The following CTNNA2 variants were observed in gnomAD, a reference collection of about 807,000 sequenced individuals.
The protein encoded by CTNNA2 is catenin alpha 2, also known as catenin alpha-2.
A neutral mutation model predicts 101.0 loss-of-function variants in CTNNA2; 42 were observed. The observed-to-expected ratio is 0.42, with a 90% CI of 0.32 to 0.54. The LOEUF is 0.54. CTNNA2 is among the 20% of genes least tolerant of loss of function. The pLI, the probability that CTNNA2 is intolerant of heterozygous loss-of-function variation, is 0.14. For missense variants in CTNNA2, 871 were observed against 1,223.1 expected, an observed-to-expected ratio of 0.71 and a Z score of 4.29; for synonymous variants, 450 against 456.4, an observed-to-expected ratio of 0.99 and a Z score of 0.18.
At chr2:79,882,519 A>G (rs936834036) in intron 6 of CTNNA2, among the ~76,000 whole-genome samples, 4 of 152,198 alleles carry the variant, frequency 2.6e-5, no homozygotes, top group Non-Finnish European at 4.4e-5. Flanking sequence ...GTGTTGGGCT[A>G]TGGGGAACAA....
At chr2:80,280,702 C>T (rs529927306) in intron 7 of CTNNA2, among the ~76,000 whole-genome samples, 122 of 152,158 alleles carry the variant, frequency 8.0e-4, no homozygotes, top group Non-Finnish European at 1.4e-3. Context: ...AAATAAACAA[C>T]GCATAAGTTT....
intron 4 of CTNNA2, among the ~76,000 whole-genome samples, chr2:79,465,447 G>C (rs1266993408): frequency 1.3e-5 from 2 of 152,158 alleles, no homozygotes; most frequent in African/African-American, 4.8e-5. Flanking sequence ...TTTGGCTTAG[G>C]ATTGTCTTGG....
chr2:79,585,236 A>G (rs1402934295), intron 1 of CTNNA2, among the ~76,000 whole-genome samples: 1 of 151,574 alleles, frequency 6.6e-6, no homozygotes, highest in East Asian at 1.9e-4. Context: ...TTTATCTCTT[A>G]ATGTTTGCAG....
At chr2:80,640,864 T>C (rs1214345937) in intron 18 of CTNNA2, among the ~76,000 whole-genome samples, 1 of 152,186 alleles carries the variant, frequency 6.6e-6, no homozygotes, top group African/African-American at 2.4e-5. Context: ...GATTCCAGTT[T>C]CCTTGAGGTG....
chr2:80,221,407 G>A (rs1054137911), intron 7 of CTNNA2, among the ~76,000 whole-genome samples: 4 of 152,182 alleles, frequency 2.6e-5, no homozygotes, highest in African/African-American at 9.7e-5. Context: ...CAGCTGGCAA[G>A]TTGGAAAGAA....
chr2:80,057,554 C>A (rs1697305905), intron 7 of CTNNA2, among the ~76,000 whole-genome samples: 1 of 152,168 alleles, frequency 6.6e-6, no homozygotes, highest in Non-Finnish European at 1.5e-5. Context: ...GGGCCCAGTA[C>A]TTCCATCTCT....
rs532071592 is a variant in CTNNA2 at position 79,718,253 on chromosome 2, A to T, written c.103-26134A>T. Among the ~76,000 whole-genome samples, 5 of 152,324 alleles carry T rather than the reference A, an allele frequency of 3.3e-5. No homozygotes were observed. In the South Asian group the frequency reaches 1.0e-3, roughly 32 times the overall value. On this transcript the variant is annotated intron_variant, in intron 2 of 18. Coordinates refer to ENST00000402739, the MANE Select transcript of CTNNA2 (RefSeq NM_001282597.3). ...TTTATGAGATATCTGGCCTAGCTTCATAAAAGAATTTTCTCTTTTCTTAAA... is the reference window on the plus strand; with the variant it reads ...TTTATGAGATATCTGGCCTAGCTTCTTAAAAGAATTTTCTCTTTTCTTAAA...
intron 7 of CTNNA2, among the ~76,000 whole-genome samples, chr2:79,932,949 A>C (rs1354398918): frequency 6.6e-6 from 1 of 152,190 alleles, no homozygotes; most frequent in African/African-American, 2.4e-5. Context: ...TGATCTTTGA[A>C]GTGTGTGTTT....
In CTNNA2 at chr2:79,643,063, C is replaced by T. The variant is rs372693876; in HGVS notation, c.-5-8489C>T. Among the ~76,000 whole-genome samples the T allele has an allele frequency of 6.0e-4, 91 of 152,026 alleles. No homozygotes were observed. In the East Asian group the frequency reaches 0.014, roughly 23 times the overall value. ...AAAATTAGCTGGGCATGGTGGCACA[C>T]GCCTGTAGTCCAAGCTACTCGGGAG... On this transcript the variant is annotated intron_variant, in intron 1 of 18. Transcript: ENST00000402739.
chr2:80,484,228 A>T (rs1261094937), intron 9 of CTNNA2, among the ~76,000 whole-genome samples: 1 of 152,150 alleles, frequency 6.6e-6, no homozygotes, highest in African/African-American at 2.4e-5. Flanking sequence ...TGGTCAATAC[A>T]TTTAAAGCAA....
chr2:79,655,823 C>T (rs1049490460), intron 2 of CTNNA2, among the ~76,000 whole-genome samples: 133 of 116,644 alleles, frequency 1.1e-3, no homozygotes, highest in African/African-American at 5.1e-3. Context: ...AGCGAGACTC[C>T]ATCTCAAAAA....
Position 80,316,805 on chromosome 2 carries a change from A to C in CTNNA2, c.1057-76406A>C, listed in dbSNP as rs77249789. Among the ~76,000 whole-genome samples, 1,117 of 152,304 alleles carry C rather than the reference A, an allele frequency of 7.3e-3. 17 individuals carry two copies. Among genetic ancestry groups the C allele is most frequent in the African/African-American group, 0.025 (1,053 of 41,554 alleles). ...AATAGTTAACAAATATCTATTGAGT[A>C]CTTCACATATGCAGGCATATTCTAG... On this transcript the variant is annotated intron_variant, in intron 7 of 18. Coordinates refer to ENST00000402739, the MANE Select transcript of CTNNA2 (RefSeq NM_001282597.3).
chr2:79,487,121 A>C (rs183213506), intron 4 of CTNNA2, among the ~76,000 whole-genome samples: 70 of 152,342 alleles, frequency 4.6e-4, no homozygotes, highest in African/African-American at 1.6e-3. Context: ...ATGCATTAAC[A>C]TGTAACCATC....
intron 7 of CTNNA2, among the ~76,000 whole-genome samples, chr2:80,290,324 C>T (rs182882306): frequency 3.2e-3 from 491 of 152,178 alleles, no homozygotes; most frequent in Non-Finnish European, 5.2e-3. Context: ...TCACATGAAC[C>T]TGTCCAAATA....
chr2:79,191,959 GCTGGTCA>G (rs1673877452), intron 1 of CTNNA2, among the ~76,000 whole-genome samples: 1 of 152,142 alleles, frequency 6.6e-6, no homozygotes, highest in Non-Finnish European at 1.5e-5. Context: ...TTCCATGGTT[GCTGGTCA>G]CTTACCAGGA....
intron 15 of CTNNA2, among the ~76,000 whole-genome samples, chr2:80,590,198 T>C (rs1433905198): frequency 6.6e-6 from 1 of 152,166 alleles, no homozygotes; most frequent in Non-Finnish European, 1.5e-5. Flanking sequence ...GAAGATGATA[T>C]CTCTGCCCTT....
intron 7 of CTNNA2, among the ~76,000 whole-genome samples, chr2:80,355,480 C>G (rs897308921): frequency 6.6e-6 from 1 of 152,140 alleles, no homozygotes; most frequent in Non-Finnish European, 1.5e-5. Flanking sequence ...CAACTCGACT[C>G]CCTTGGGCCA....
intron 7 of CTNNA2, among the ~76,000 whole-genome samples, chr2:80,160,778 T>A (rs1704263857): frequency 6.6e-6 from 1 of 152,302 alleles, no homozygotes; most frequent in Admixed American, 6.5e-5. Context: ...TTTCTTGCCT[T>A]ATTGAACTGG....
chr2:80,223,237 A>C (rs1335159890), intron 7 of CTNNA2, among the ~76,000 whole-genome samples: 1 of 152,196 alleles, frequency 6.6e-6, no homozygotes, highest in African/African-American at 2.4e-5. Flanking sequence ...CGTAATGAAG[A>C]ATACTTGTTT....
Sources: gnomAD v4.1 joint callset for allele counts (sites outside exome capture counted in the v4.1 genomes callset) on GRCh38, gnomAD v4.1.1 for gene constraint, MANE v1.5 for transcripts, NCBI Gene and HGNC (gene_info 2026-07-23, HGNC 2026-07-21) for gene names.